The following OXR1 variants were observed in gnomAD, a reference collection of about 807,000 sequenced individuals.
The protein encoded by OXR1 is oxidation resistance 1, also known as oxidation resistance protein 1.
OXR1 carries 41 observed loss-of-function variants against 104.6 expected under a neutral mutation model. The ratio of observed to expected loss-of-function variants is 0.39; its 90% CI spans 0.31 to 0.51. The LOEUF (loss-of-function observed/expected upper bound fraction) is 0.51, where lower values mean the gene tolerates loss of function less well. Among genes scored for constraint, OXR1 ranks in the 20% least tolerant of loss-of-function variants. The pLI is 0.77. For missense variants in OXR1, 955 were observed against 1,031.9 expected (o/e 0.93, Z 1.02); for synonymous variants, 348 against 348.4 (o/e 1.00, Z 0.01).
chr8:106,710,245 T>G (rs1831559512), intron 9 of OXR1, among the ~76,000 whole-genome samples: 1 of 152,078 alleles, frequency 6.6e-6, no homozygotes, highest in Non-Finnish European at 1.5e-5. Context: ...CTACAGTTAT[T>G]TAGATGTCAT....
At chr8:106,450,842 A>G (rs1820274057) in intron 2 of OXR1, among the ~76,000 whole-genome samples, 2 of 152,196 alleles carry the variant, frequency 1.3e-5, no homozygotes, top group African/African-American at 4.8e-5. Context: ...TGCACCTCAG[A>G]AAAGTAATTC....
At chr8:106,448,204 T>G (rs1456546446) in intron 2 of OXR1, among the ~76,000 whole-genome samples, 1 of 152,192 alleles carries the variant, frequency 6.6e-6, no homozygotes, top group Admixed American at 6.5e-5. Flanking sequence ...TCTGTTGCCA[T>G]TTGGTTCCTG....
At chr8:106,306,935 T>C (rs1169344249) in intron 1 of OXR1, among the ~76,000 whole-genome samples, 2 of 152,178 alleles carry the variant, frequency 1.3e-5, no homozygotes, top group African/African-American at 4.8e-5. Context: ...AAGGAAAATG[T>C]TAGCCAGCCA....
At chr8:106,459,525 G>A (rs1460322415) in intron 2 of OXR1, among the ~76,000 whole-genome samples, 1 of 151,920 alleles carries the variant, frequency 6.6e-6, no homozygotes, top group African/African-American at 2.4e-5. Context: ...CATAAAGCCA[G>A]CATACTCTTA....
intron 3 of OXR1, among the ~76,000 whole-genome samples, chr8:106,606,261 T>C (rs1050687639): frequency 1.3e-5 from 2 of 151,610 alleles, no homozygotes; most frequent in African/African-American, 4.9e-5. Context: ...CCAGCAAGTC[T>C]TCCTTAGAGC....
At chr8:106,730,376 T>C (rs1833770270) in intron 11 of OXR1, among the ~76,000 whole-genome samples, 1 of 152,092 alleles carries the variant, frequency 6.6e-6, no homozygotes, top group Non-Finnish European at 1.5e-5. Flanking sequence ...AAATTCCCTG[T>C]GCCACAGCTA....
intron 1 of OXR1, among the ~76,000 whole-genome samples, chr8:106,334,278 G>A (rs1814859126): frequency 6.6e-6 from 1 of 152,080 alleles, no homozygotes; most frequent in East Asian, 1.9e-4. Context: ...GTAGTGTATG[G>A]AAATACAACT....
chr8:106,308,565 T>A (rs2130121427), intron 1 of OXR1, among the ~76,000 whole-genome samples: 1 of 152,316 alleles, frequency 6.6e-6, no homozygotes, highest in African/African-American at 2.4e-5. Context: ...TTCCTTGCCT[T>A]CCCTGTGTAT....
At chr8:106,561,056 C>G (rs1291477950) in intron 3 of OXR1, among the ~76,000 whole-genome samples, 1 of 152,140 alleles carries the variant, frequency 6.6e-6, no homozygotes, top group Non-Finnish European at 1.5e-5. Flanking sequence ...CACAAGGGCC[C>G]TGGGTTTCAA....
chr8:106,470,586 A>T (rs2444313), intron 2 of OXR1, among the ~76,000 whole-genome samples: 79,349 of 151,498 alleles, frequency 0.52, 24,134 homozygotes, highest in African/African-American at 0.83. Flanking sequence ...GTTTTTGAGA[A>T]TTTTGGAGAG....
At chr8:106,573,937 ATTCT>A (rs1209080491) in intron 3 of OXR1, among the ~76,000 whole-genome samples, 1 of 152,134 alleles carries the variant, frequency 6.6e-6, no homozygotes, top group Non-Finnish European at 1.5e-5. Context: ...GAAAGCATTC[ATTCT>A]TAGAAGAAAT....
Position 106,745,692 on chromosome 8 carries a change from A to T in OXR1, c.2413-97A>T. The T allele has an allele frequency of 5.3e-6, 3 of 569,400 alleles. No individual in the cohort carries two copies. In the East Asian group the frequency reaches 8.8e-5, roughly 17 times the overall value. The allele number at this position is 569,400 out of a possible 1,614,324, so 35.3% of individuals were successfully genotyped here. ...GTGGTGTTCTTATTCTTATACTGCC[A>T]GTCTTGGCTTTGTTAACTCGTTTGA... On this transcript the variant is annotated intron_variant, in intron 15 of 16. Coordinates refer to ENST00000517566, the MANE Select transcript of OXR1 (RefSeq NM_001198533.2).
At position 106,706,477 on chromosome 8, in the gene OXR1, G is replaced by A; in HGVS notation, c.956G>A (p.Gly319Asp). ...EEIDSRIRDA[G>D]NDSASTAPRS... Reference sequence around the variant, plus strand: ...ATAGACTCAAGAATCCGAGATGCAGGTAATGATAGTGCCAGCACTGCTCCT... The same window carrying A: ...ATAGACTCAAGAATCCGAGATGCAGATAATGATAGTGCCAGCACTGCTCCT... The change falls in exon 9 of 17, where the codon GGT (glycine) becomes GAT (aspartate). Residue 319 changes from glycine to aspartate, a missense_variant. Physicochemically the swap from Gly to Asp is moderately conservative, Grantham distance 94. Transcript: ENST00000517566. 6.3e-7 allele frequency: 1 copy of A among 1,596,348 alleles called. No individual in the cohort carries two copies. Among genetic ancestry groups the A allele is most frequent in the Non-Finnish European group, 8.5e-7 (1 of 1,175,670 alleles).
At chr8:106,425,127 C>G (rs1361044189) in intron 2 of OXR1, among the ~76,000 whole-genome samples, 1 of 145,072 alleles carries the variant, frequency 6.9e-6, no homozygotes, top group Non-Finnish European at 1.5e-5. Flanking sequence ...GATCTCACTC[C>G]CATCGCCCAG....
intron 3 of OXR1, among the ~76,000 whole-genome samples, chr8:106,616,659 T>C (rs1432598425): frequency 6.6e-6 from 1 of 152,162 alleles, no homozygotes; most frequent in Non-Finnish European, 1.5e-5. Flanking sequence ...GACCATAAGC[T>C]CTATATTACA....
At chr8:106,718,273 G>A (rs1010658855) in intron 11 of OXR1, among the ~76,000 whole-genome samples, 1 of 151,976 alleles carries the variant, frequency 6.6e-6, no homozygotes, top group African/African-American at 2.4e-5. Flanking sequence ...TGGGATAGCA[G>A]GAAAAATTCC....
At chr8:106,647,326 C>T (rs1168724265) in intron 3 of OXR1, among the ~76,000 whole-genome samples, 3 of 152,034 alleles carry the variant, frequency 2.0e-5, no homozygotes, top group Admixed American at 1.3e-4. Flanking sequence ...ATTGAAAGGC[C>T]GTATTAAATC....
chr8:106,331,229 C>CA (rs1814701169), intron 1 of OXR1, among the ~76,000 whole-genome samples: 1 of 152,056 alleles, frequency 6.6e-6, no homozygotes. Context: ...CATCCAGTGA[C>CA]AAAAAAGCAA....
At chr8:106,359,217 A>G (rs1347251467) in intron 1 of OXR1, among the ~76,000 whole-genome samples, 3 of 151,958 alleles carry the variant, frequency 2.0e-5, no homozygotes, top group Non-Finnish European at 2.9e-5. Context: ...ACATTCTCTC[A>G]TTTCCCTGAA....
Sources: gnomAD v4.1 joint callset for allele counts (sites outside exome capture counted in the v4.1 genomes callset) on GRCh38, gnomAD v4.1.1 for gene constraint, MANE v1.5 for transcripts, NCBI Gene and HGNC (gene_info 2026-07-23, HGNC 2026-07-21) for gene names.